INTS12: variants seen among roughly 807,000 people sequenced by gnomAD.
The protein encoded by INTS12 is PHD finger protein 22.
A neutral mutation model predicts 41.6 loss-of-function variants in INTS12; 13 were observed. That is an observed-to-expected ratio of 0.31 (90% CI 0.20 to 0.50). The LOEUF is 0.50. Among genes scored for constraint, INTS12 ranks in the 20% least tolerant of loss-of-function variants. The pLI is 0.98. For synonymous variants in INTS12, 199 were observed against 191.4 expected, an observed-to-expected ratio of 1.04 and a Z score of -0.33; for missense variants, 432 against 541.6, an observed-to-expected ratio of 0.80 and a Z score of 2.01.
intron 7 of INTS12, among the ~76,000 whole-genome samples, chr4:105,685,214 TTTA>T (rs1731460602): frequency 6.6e-6 from 1 of 152,130 alleles, no homozygotes; most frequent in African/African-American, 2.4e-5. Context: ...AAGTGAATTT[TTTA>T]TTAAAGAAAC....
chr4:105,688,109 G>T (rs562514087), intron 6 of INTS12, among the ~76,000 whole-genome samples: 30 of 152,328 alleles, frequency 2.0e-4, no homozygotes, highest in African/African-American at 7.0e-4. Flanking sequence ...TTATGATTAT[G>T]TAAGAGTTTA....
Position 105,682,678 on chromosome 4 carries a change from A to C in INTS12, c.*55T>G. 2 of 1,288,784 alleles carry C rather than the reference A, an allele frequency of 1.6e-6. No individual in the cohort carries two copies. The highest frequency in any genetic ancestry group is 2.2e-6 in the Non-Finnish European group (2 of 904,458). 79.8% of individuals were successfully genotyped at this position (1,288,784 alleles called of 1,614,324 possible). A position where few individuals can be genotyped will look rare whatever the true frequency, so the allele number is the denominator to read the frequency against. On this transcript the variant is annotated 3_prime_UTR_variant, in exon 8 of 8. Coordinates refer to ENST00000340139, the MANE Select transcript of INTS12 (RefSeq NM_020395.4). ...TACAGTGTATTACAGATTATATCAT[A>C]ATAATAAGCCTTTCATCTTTAGGCT...
intron 3 of INTS12, 86 bp downstream of exon 3, chr4:105,699,764 G>A: frequency 1.1e-6 from 1 of 901,064 alleles, no homozygotes; most frequent in Non-Finnish European, 1.6e-6. Flanking sequence ...TTTCGGCAGA[G>A]ATTGTTTTGA....
At chr4:105,689,338 G>C (rs1200886891) in intron 6 of INTS12, among the ~76,000 whole-genome samples, 1 of 152,116 alleles carries the variant, frequency 6.6e-6, no homozygotes, top group African/African-American at 2.4e-5. Context: ...AGATACCTTG[G>C]AACAATAACC....
intron 4 of INTS12, 90 bp downstream of exon 4, chr4:105,695,426 T>C (rs1731826748): frequency 5.6e-6 from 5 of 899,880 alleles, no homozygotes; most frequent in East Asian, 2.6e-5. Context: ...CCCATTATTA[T>C]ATAAAAGAAA....
chr4:105,689,147 A>C (rs1218903748), intron 6 of INTS12, among the ~76,000 whole-genome samples: 2 of 152,114 alleles, frequency 1.3e-5, no homozygotes, highest in African/African-American at 4.8e-5. Context: ...CTGGGGAAAA[A>C]CTCCACTACT....
chr4:105,688,229 C>T (rs979085209), intron 6 of INTS12, among the ~76,000 whole-genome samples: 5 of 152,170 alleles, frequency 3.3e-5, no homozygotes, highest in Middle Eastern at 3.4e-3. Flanking sequence ...GCATACTGAA[C>T]GGGGAAAGAT....
intron 4 of INTS12, 81 bp from the exon 5 acceptor site, chr4:105,693,567 C>T: frequency 2.6e-6 from 3 of 1,147,266 alleles, no homozygotes; most frequent in Non-Finnish European, 3.8e-6. Context: ...GTGAGAAGGA[C>T]AATTGGCAAT....
At chr4:105,704,343 C>T (rs1732189453) in intron 1 of INTS12, among the ~76,000 whole-genome samples, 1 of 152,202 alleles carries the variant, frequency 6.6e-6, no homozygotes, top group Non-Finnish European at 1.5e-5. Context: ...TTCTGGGTCT[C>T]TTCTTGACTT....
intron 3 of INTS12, among the ~76,000 whole-genome samples, chr4:105,695,958 A>G (rs988881649): frequency 4.6e-5 from 7 of 151,918 alleles, no homozygotes; most frequent in Non-Finnish European, 7.4e-5. Flanking sequence ...GGTTCAAGTG[A>G]TTCTCCTGCC....
At chr4:105,693,209 C>T in intron 5 of INTS12, 90 bp downstream of exon 5, 1 of 1,088,686 alleles carries the variant, frequency 9.2e-7, no homozygotes, top group Non-Finnish European at 1.3e-6. Flanking sequence ...AAATGCACAA[C>T]AATTTTTCTG....
At position 105,683,317 on chromosome 4, in the gene INTS12, T is replaced by C. The variant is rs774640615; in HGVS notation, c.805A>G (p.Thr269Ala). Residue 269 changes from threonine to alanine, a missense_variant and splice_region_variant, in exon 8 of 8, where the codon ACA (threonine) becomes GCA (alanine). Physicochemically the swap from Thr to Ala is moderately conservative, Grantham distance 58. Around this residue, in one of 3 missense-constraint regions of INTS12, gnomAD observed 258 missense variants for 309.9 expected, o/e 0.83. Transcript: ENST00000340139. Reference sequence around the variant, plus strand: ...GAATTTCCTGAAATAACTGTGGATGTCTAAAAAAATAAAGTAAATAATTAC... The same window carrying C: ...GAATTTCCTGAAATAACTGTGGATGCCTAAAAAAATAAAGTAAATAATTAC... ...FLAFKRTEVK[T>A]STVISGNSSS... 6.3e-7 allele frequency: 1 copy of C among 1,595,540 alleles called. No homozygotes were observed. Among genetic ancestry groups the C allele is most frequent in the East Asian group, 2.2e-5 (1 of 44,468 alleles).
chr4:105,688,673 C>T (rs1259813445), intron 6 of INTS12, among the ~76,000 whole-genome samples: 2 of 152,168 alleles, frequency 1.3e-5, no homozygotes, highest in Non-Finnish European at 2.9e-5. Context: ...CCATGGCTTT[C>T]AATCTTAACA....
At chr4:105,697,858 T>C (rs570523163) in intron 3 of INTS12, among the ~76,000 whole-genome samples, 3 of 152,240 alleles carry the variant, frequency 2.0e-5, no homozygotes, top group African/African-American at 7.2e-5. Flanking sequence ...GAGACCAACC[T>C]GGGCAACATG....
At chr4:105,702,900 T>C (rs1732132483) in intron 2 of INTS12, 3 of 984,668 alleles carry the variant, frequency 3.0e-6, no homozygotes, top group East Asian at 1.1e-4. Flanking sequence ...ACTCCCCCTT[T>C]TCTGTTGCCT....
chr4:105,690,709 T>C (rs901325744), intron 6 of INTS12, among the ~76,000 whole-genome samples: 4 of 152,024 alleles, frequency 2.6e-5, no homozygotes, highest in African/African-American at 9.7e-5. Flanking sequence ...GAGAAAAAAC[T>C]TGGGGGAAGA....
chr4:105,687,305 C>T (rs1168451906), intron 6 of INTS12, among the ~76,000 whole-genome samples: 1 of 151,960 alleles, frequency 6.6e-6, no homozygotes, highest in Non-Finnish European at 1.5e-5. Context: ...AAATATAGAA[C>T]AGGGAGAAAA....
Position 105,682,884 on chromosome 4 carries a change from C to T in INTS12, c.1238G>A (p.Ser413Asn). The T allele has an allele frequency of 6.2e-7, 1 of 1,614,078 alleles. No homozygotes were observed. The highest frequency in any genetic ancestry group is 8.5e-7 in the Non-Finnish European group (1 of 1,179,964). Residue 413 changes from serine (S) to asparagine (N), a missense_variant, in exon 8 of 8, where the codon AGT becomes AAT. Physicochemically the swap from Ser to Asn is conservative, Grantham distance 46. Coordinates refer to ENST00000340139, the MANE Select transcript of INTS12 (RefSeq NM_020395.4). ...AGTAGTTTTGCTGGTAGTACTTCCA[C>T]TAGGTCCTGATGTTCCACTATTTCC... is the stretch of plus-strand genomic sequence containing the variant. ...GNGNSGTSGP[S>N]GSTTSKTTSE...
intron 3 of INTS12, among the ~76,000 whole-genome samples, chr4:105,699,252 C>T (rs1036403814): frequency 2.6e-4 from 40 of 152,068 alleles, no homozygotes; most frequent in African/African-American, 9.2e-4. Context: ...AGAAAAGTGC[C>T]TGGGACATCA....
Sources: allele counts gnomAD v4.1 joint callset (sites outside exome capture counted in the v4.1 genomes callset), GRCh38; gene constraint gnomAD v4.1.1; regional missense constraint gnomAD v4.1.1; transcripts MANE v1.5; gene names NCBI Gene and HGNC (gene_info 2026-07-23, HGNC 2026-07-21).